DUSP13B: variants seen among roughly 807,000 people sequenced by gnomAD.
DUSP13B encodes the protein dual specificity protein phosphatase 13B.
chr10:75,095,764 G>A, the DUSP13B span: 1 of 1,614,176 alleles, frequency 6.2e-7, no homozygotes, highest in Non-Finnish European at 8.5e-7. Context: ...ATTCCCAGCT[G>A]GATCAGCTTG....
the DUSP13B span, among the ~76,000 whole-genome samples, chr10:75,098,361 A>G: frequency 6.6e-6 from 1 of 151,838 alleles, no homozygotes; most frequent in Non-Finnish European, 1.5e-5. Flanking sequence ...GTCCCCTCCC[A>G]CTTTCAGGGG....
the DUSP13B span, among the ~76,000 whole-genome samples, chr10:75,098,770 C>T: frequency 3.3e-5 from 5 of 152,146 alleles, no homozygotes; most frequent in African/African-American, 9.7e-5. Flanking sequence ...TCAACAACAA[C>T]AAAAAGCCTG....
chr10:75,106,009 T>A, the DUSP13B span: 4 of 740,114 alleles, frequency 5.4e-6, no homozygotes, highest in Non-Finnish European at 9.1e-6. Context: ...TTTATGGACC[T>A]CAGTTTCCTG....
the DUSP13B span, among the ~76,000 whole-genome samples, chr10:75,100,898 G>A: frequency 5.9e-5 from 9 of 152,332 alleles, no homozygotes; most frequent in East Asian, 5.8e-4. Context: ...CCAAGACATC[G>A]GGCAGAGGCA....
At chr10:75,095,806 G>A in the DUSP13B span, 4 of 1,613,420 alleles carry the variant, frequency 2.5e-6, no homozygotes, top group African/African-American at 2.7e-5. Flanking sequence ...CTGGAGGAGA[G>A]GGCACAAGGG....
chr10:75,098,036 CTGGG>C, the DUSP13B span: 1 of 679,222 alleles, frequency 1.5e-6, no homozygotes, highest in Non-Finnish European at 2.3e-6. Context: ...ACAAGCTCAG[CTGGG>C]GCTGAGGCCT....
the DUSP13B span, among the ~76,000 whole-genome samples, chr10:75,098,619 A>C: frequency 6.6e-6 from 1 of 152,042 alleles, no homozygotes; most frequent in Non-Finnish European, 1.5e-5. Flanking sequence ...AAAATTAGCC[A>C]GGTGTGGTGG....
At chr10:75,102,660 T>G in the DUSP13B span, among the ~76,000 whole-genome samples, 2 of 151,194 alleles carry the variant, frequency 1.3e-5, no homozygotes, top group African/African-American at 2.4e-5. Flanking sequence ...ATACAAAAAA[T>G]TAGTGAGTTG....
chr10:75,097,981 G>A, the DUSP13B span: 19,927 of 1,146,268 alleles, frequency 0.017, 216 homozygotes, highest in Non-Finnish European at 0.022. Context: ...TAGGTGCCAC[G>A]GGGATGCTGC....
At chr10:75,102,592 G>A in the DUSP13B span, among the ~76,000 whole-genome samples, 1 of 152,188 alleles carries the variant, frequency 6.6e-6, no homozygotes, top group African/African-American at 2.4e-5. Context: ...AGGATTGCTT[G>A]AGCCCAGGGG....
the DUSP13B span, chr10:75,098,954 A>C: frequency 8.1e-7 from 1 of 1,230,554 alleles, no homozygotes; most frequent in Non-Finnish European, 1.0e-6. Context: ...GTGGTCACTA[A>C]CCCATCTGCT....
At chr10:75,098,868 C>T in the DUSP13B span, among the ~76,000 whole-genome samples, 4 of 152,318 alleles carry the variant, frequency 2.6e-5, no homozygotes, top group East Asian at 1.9e-4. Flanking sequence ...CAAAGCCATA[C>T]GGCTCATGAG....
chr10:75,103,031 T>A, the DUSP13B span, among the ~76,000 whole-genome samples: 3 of 152,286 alleles, frequency 2.0e-5, no homozygotes, highest in Admixed American at 2.0e-4. Flanking sequence ...GAGAATCACC[T>A]GAGCCCAGGA....
the DUSP13B span, among the ~76,000 whole-genome samples, chr10:75,103,136 A>AT: frequency 2.0e-5 from 3 of 152,190 alleles, no homozygotes; most frequent in Non-Finnish European, 4.4e-5. Flanking sequence ...CTTCAAGGGT[A>AT]TTATAGAAGA....
the DUSP13B span, among the ~76,000 whole-genome samples, chr10:75,101,545 C>T: frequency 6.6e-6 from 1 of 152,190 alleles, no homozygotes; most frequent in African/African-American, 2.4e-5. Flanking sequence ...TAGGTGCTCA[C>T]ATTTTCTCAT....
chr10:75,096,945 A>G, the DUSP13B span, among the ~76,000 whole-genome samples: 7 of 152,202 alleles, frequency 4.6e-5, no homozygotes, highest in African/African-American at 1.7e-4. Context: ...ATTTGAGCAA[A>G]TGATCCCAGG....
chr10:75,095,892 C>G, the DUSP13B span: 3 of 1,153,012 alleles, frequency 2.6e-6, no homozygotes, highest in Middle Eastern at 2.8e-4. Context: ...CGCCCACCAC[C>G]CACCAAGGGT....
chr10:75,097,429 C>T, the DUSP13B span, among the ~76,000 whole-genome samples: 5 of 152,310 alleles, frequency 3.3e-5, no homozygotes, highest in South Asian at 1.0e-3. Context: ...AGGCTGGTCT[C>T]GAACTTCTGA....
At chr10:75,105,819 C>T in the DUSP13B span, 3 of 1,550,936 alleles carry the variant, frequency 1.9e-6, no homozygotes, top group Non-Finnish European at 2.6e-6. Flanking sequence ...AGGCCAGGAC[C>T]AGCGTGGCAG....
Sources: gnomAD v4.1 joint callset for allele counts (sites outside exome capture counted in the v4.1 genomes callset) on GRCh38, gnomAD v4.1.1 for gene constraint, MANE v1.5 for transcripts, NCBI Gene and HGNC (gene_info 2026-07-23, HGNC 2026-07-21) for gene names.